Variants in MYO3B observed in about 807,000 individuals in gnomAD.
MYO3B encodes myosin-IIIb.
A neutral mutation model predicts 174.6 loss-of-function variants in MYO3B; 156 were observed. The observed-to-expected ratio is 0.89, with a 90% CI of 0.78 to 1.02. MYO3B has a LOEUF of 1.02. Ranked by LOEUF, MYO3B falls within the 50% of genes least tolerant of loss-of-function variation. The pLI, the probability that MYO3B is intolerant of heterozygous loss-of-function variation, is 0.00. For synonymous variants in MYO3B, 563 were observed against 569.1 expected (o/e 0.99, Z 0.15); for missense variants, 1,632 against 1,639.4 (o/e 1.00, Z 0.08).
At chr2:170,322,600 A>G (rs1008512499) in intron 7 of MYO3B, among the ~76,000 whole-genome samples, 1 of 152,296 alleles carries the variant, frequency 6.6e-6, no homozygotes, top group Admixed American at 6.5e-5. Flanking sequence ...CTCTCTGCCC[A>G]TGTGTGTGAT....
intron 32 of MYO3B, among the ~76,000 whole-genome samples, chr2:170,551,343 A>AATTTAATTATTT: frequency 9.1e-5 from 1 of 10,930 alleles, no homozygotes; most frequent in African/African-American, 5.0e-4. Context: ...AATTTAATTT[A>AATTTAATTATTT]ATTTAATTAT....
At chr2:170,239,808 G>A (rs1444014214) in intron 7 of MYO3B, among the ~76,000 whole-genome samples, 1 of 152,164 alleles carries the variant, frequency 6.6e-6, no homozygotes, top group Non-Finnish European at 1.5e-5. Flanking sequence ...GTTTCTTAGG[G>A]CTGCTACAGC....
At chr2:170,222,179 G>A (rs933645885) in intron 6 of MYO3B, among the ~76,000 whole-genome samples, 3 of 152,148 alleles carry the variant, frequency 2.0e-5, no homozygotes, top group African/African-American at 7.2e-5. Context: ...TGACTTTAGG[G>A]CAGTTATGAC....
At chr2:170,546,587 G>A (rs75089631) in intron 32 of MYO3B, among the ~76,000 whole-genome samples, 21,586 of 152,244 alleles carry the variant, frequency 0.14, 1,861 homozygotes, top group Middle Eastern at 0.21. Context: ...ACATGAAGAC[G>A]TGAGAAAACA....
At chr2:170,510,609 G>A (rs976623989) in intron 28 of MYO3B, among the ~76,000 whole-genome samples, 4 of 151,592 alleles carry the variant, frequency 2.6e-5, no homozygotes, top group Non-Finnish European at 5.9e-5. Flanking sequence ...TTAAAAATGA[G>A]GTCATACTGG....
At chr2:170,400,851 GGCGGAGTCTC>G (rs2094471605) in intron 17 of MYO3B, among the ~76,000 whole-genome samples, 1 of 145,060 alleles carries the variant, frequency 6.9e-6, no homozygotes, top group Admixed American at 6.8e-5. Context: ...TTTTTTTCGA[GGCGGAGTCTC>G]GCTCTGTCTC....
intron 6 of MYO3B, among the ~76,000 whole-genome samples, chr2:170,229,750 C>T (rs2092994161): frequency 6.6e-6 from 1 of 152,102 alleles, no homozygotes. Context: ...GTTTTTATCC[C>T]TTTCACATAT....
intron 7 of MYO3B, among the ~76,000 whole-genome samples, chr2:170,320,668 A>T (rs1202381731): frequency 1.3e-5 from 2 of 151,960 alleles, no homozygotes; most frequent in East Asian, 1.9e-4. Context: ...TGTATGTCAT[A>T]TGTAAATATT....
At position 170,236,050 on chromosome 2, in the gene MYO3B, C is replaced by T; in HGVS notation, c.663C>T (p.Ser221=). The change falls in exon 7 of 35, where the codon TCC becomes TCT. Residue 221 remains serine, a synonymous_variant. Coordinates refer to ENST00000408978, the MANE Select transcript of MYO3B (RefSeq NM_138995.5). The stretch of plus-strand genomic sequence containing the variant: ...ATGACGCTCGCTGTGACGTCTGGTC[C>T]TTGGGGATCACAGCTATTGAACTGG... The part of the protein sequence containing the change: ...SSYDARCDVW[S]LGITAIELGD... 1 of 1,613,992 alleles carries T rather than the reference C, an allele frequency of 6.2e-7. No homozygotes were observed. The highest frequency in any genetic ancestry group is 1.1e-5 in the South Asian group (1 of 91,002).
intron 22 of MYO3B, among the ~76,000 whole-genome samples, chr2:170,410,592 G>GAAAAAAAAAAAAAAAAAAAAAA (rs59296953): frequency 2.7e-5 from 3 of 112,530 alleles, no homozygotes; most frequent in Non-Finnish European, 3.6e-5. Flanking sequence ...CAAAAAAAAA[G>GAAAAAAAAAAAAAAAAAAAAAA]AAAAAAAAAA....
chr2:170,220,392 A>G (rs1413930712), intron 6 of MYO3B, among the ~76,000 whole-genome samples: 4 of 152,036 alleles, frequency 2.6e-5, no homozygotes, highest in African/African-American at 9.7e-5. Context: ...GCACTTTGGA[A>G]GGCGGAGGCA....
At chr2:170,413,286 G>A (rs1296767840) in intron 22 of MYO3B, among the ~76,000 whole-genome samples, 1 of 152,162 alleles carries the variant, frequency 6.6e-6, no homozygotes, top group African/African-American at 2.4e-5. Flanking sequence ...TGGACAGTCT[G>A]GGAGTAATGA....
chr2:170,623,359 C>A (rs1575272383), intron 32 of MYO3B, among the ~76,000 whole-genome samples: 1 of 152,182 alleles, frequency 6.6e-6, no homozygotes, highest in Non-Finnish European at 1.5e-5. Flanking sequence ...TTGTTGGCTG[C>A]ATAAATGTCT....
intron 12 of MYO3B, among the ~76,000 whole-genome samples, chr2:170,384,857 C>T (rs1000720565): frequency 6.6e-6 from 1 of 152,142 alleles, no homozygotes; most frequent in Non-Finnish European, 1.5e-5. Context: ...TTAGCACAGA[C>T]TCCACAGATT....
intron 22 of MYO3B, among the ~76,000 whole-genome samples, chr2:170,438,165 G>C (rs558973493): frequency 6.6e-6 from 1 of 152,244 alleles, no homozygotes; most frequent in South Asian, 2.1e-4. Context: ...TCTCATGTAA[G>C]TGGAATTGTG....
intron 8 of MYO3B, among the ~76,000 whole-genome samples, chr2:170,339,068 G>C (rs2093962373): frequency 6.6e-6 from 1 of 152,212 alleles, no homozygotes. Flanking sequence ...TATTTAAAGA[G>C]AGAGCCTTAG....
Position 170,383,239 on chromosome 2 carries a change from C to T in MYO3B, c.1185+50C>T, listed in dbSNP as rs767715976. On this transcript the variant is annotated intron_variant, in intron 11 of 34. Transcript: ENST00000408978. ...TGCTCCTTAATAGGAAATTAAAACT[C>T]ACAAGGGCAAATGAAGAGAAAGAAA... is the stretch of plus-strand genomic sequence containing the variant. 7 of 1,125,338 alleles carry T rather than the reference C, an allele frequency of 6.2e-6. No individual in the cohort carries two copies. In the African/African-American group the frequency reaches 7.7e-5, roughly 12 times the overall value. 69.7% of individuals were successfully genotyped at this position (1,125,338 alleles called of 1,614,324 possible).
At chr2:170,220,481 T>C (rs1279281666) in intron 6 of MYO3B, among the ~76,000 whole-genome samples, 1 of 150,392 alleles carries the variant, frequency 6.6e-6, no homozygotes, top group Non-Finnish European at 1.5e-5. Flanking sequence ...ATACAAAAAT[T>C]AGCCTGGCAG....
chr2:170,465,560 C>CACA (rs1559028297), intron 24 of MYO3B, among the ~76,000 whole-genome samples: 1 of 152,140 alleles, frequency 6.6e-6, no homozygotes, highest in Non-Finnish European at 1.5e-5. Context: ...CTCCTGGTAA[C>CACA]CCTTGGTGTC....
Sources: allele counts gnomAD v4.1 joint callset (sites outside exome capture counted in the v4.1 genomes callset), GRCh38; gene constraint gnomAD v4.1.1; transcripts MANE v1.5; gene names NCBI Gene and HGNC (gene_info 2026-07-23, HGNC 2026-07-21).